The following SHISA6 variants were observed in gnomAD, a reference collection of about 807,000 sequenced individuals.
SHISA6 encodes shisa family member 6.
A neutral mutation model predicts 47.9 loss-of-function variants in SHISA6; 22 were observed. That is an observed-to-expected ratio of 0.46 (90% CI 0.33 to 0.66). The LOEUF is 0.66. SHISA6 is among the 30% of genes least tolerant of loss of function. The pLI is 0.02. For synonymous variants in SHISA6, 388 were observed against 337.8 expected (o/e 1.15, Z -1.63); for missense variants, 680 against 764.6 (o/e 0.89, Z 1.30).
At chr17:11,386,531 GAA>G (rs1913199654) in intron 3 of SHISA6, among the ~76,000 whole-genome samples, 1 of 152,218 alleles carries the variant, frequency 6.6e-6, no homozygotes, top group Admixed American at 6.5e-5. Context: ...GGAGGATGGT[GAA>G]AAGAGAGTTT....
At chr17:11,439,742 C>T (rs1209853289) in intron 3 of SHISA6, among the ~76,000 whole-genome samples, 2 of 152,216 alleles carry the variant, frequency 1.3e-5, no homozygotes, top group Non-Finnish European at 2.9e-5. Context: ...TCCCTTTCTT[C>T]TAAGTAATCA....
At position 11,558,037 on chromosome 17, in the gene SHISA6, G is replaced by A. The variant is rs1209859082; in HGVS notation, c.1389G>A (p.Arg463=). The A allele has an allele frequency of 6.4e-7, 1 of 1,551,556 alleles. No homozygotes were observed. Among genetic ancestry groups the A allele is most frequent in the African/African-American group, 1.4e-5 (1 of 73,072 alleles). ...AGGACCCGCTGCTGTCCCCGGAGCGGACGGCCTTTCCCGAGCAGTCGCTGT... is the reference window on the plus strand; with the variant it reads ...AGGACCCGCTGCTGTCCCCGGAGCGAACGGCCTTTCCCGAGCAGTCGCTGT... ...HSQDPLLSPE[R]TAFPEQSLSR... The change falls in exon 6 of 6, where the codon CGG becomes CGA. Residue 463 remains arginine (R), a synonymous_variant. Transcript: ENST00000441885.
chr17:11,286,057 C>T (rs746007854), intron 2 of SHISA6, among the ~76,000 whole-genome samples: 2 of 151,928 alleles, frequency 1.3e-5, no homozygotes, highest in Admixed American at 6.6e-5. Flanking sequence ...AGGATGGTCT[C>T]GAACTCCTGA....
In SHISA6 at chr17:11,383,133, T is replaced by C. The variant is rs185222193; in HGVS notation, c.895+3624T>C. On this transcript the variant is annotated intron_variant, in intron 3 of 5. Coordinates refer to ENST00000441885, the MANE Select transcript of SHISA6 (RefSeq NM_207386.4). ...TTGTATTTTTAGTAGAGACAGGGCT[T>C]CACCATGTTGGCCAGGCTGGTCTCA... is the stretch of plus-strand genomic sequence containing the variant. 6.5e-3 allele frequency among the ~76,000 whole-genome samples: 986 copies of C among 152,124 alleles called. 5 individuals are homozygous for C. Among genetic ancestry groups the C allele is most frequent in the Non-Finnish European group, 0.01 (712 of 67,988 alleles).
At chr17:11,301,549 G>A (rs956560957) in intron 2 of SHISA6, among the ~76,000 whole-genome samples, 2 of 152,138 alleles carry the variant, frequency 1.3e-5, no homozygotes, top group East Asian at 1.9e-4. Context: ...TGGTCACACC[G>A]TGCATGAATG....
intron 2 of SHISA6, among the ~76,000 whole-genome samples, chr17:11,342,768 T>A (rs183809624): frequency 3.2e-3 from 483 of 152,294 alleles, no homozygotes; most frequent in Non-Finnish European, 4.6e-3. Context: ...ACAGGCAAGG[T>A]CCTCATACTA....
At chr17:11,439,255 G>A (rs182663410) in intron 3 of SHISA6, among the ~76,000 whole-genome samples, 5 of 152,248 alleles carry the variant, frequency 3.3e-5, no homozygotes, top group African/African-American at 9.6e-5. Flanking sequence ...GCATAGATGC[G>A]GTCAAGGGGG....
intron 2 of SHISA6, among the ~76,000 whole-genome samples, chr17:11,292,694 G>A (rs1909595187): frequency 6.6e-6 from 1 of 151,902 alleles, no homozygotes; most frequent in South Asian, 2.1e-4. Context: ...GGCGGGCAGG[G>A]GGTGCAGAAA....
intron 2 of SHISA6, among the ~76,000 whole-genome samples, chr17:11,344,380 A>G (rs1911629657): frequency 6.6e-6 from 1 of 152,148 alleles, no homozygotes; most frequent in Admixed American, 6.5e-5. Flanking sequence ...TTGGTGTTGT[A>G]TCTAAGAAGT....
chr17:11,419,078 C>G (rs1597503709), intron 3 of SHISA6, among the ~76,000 whole-genome samples: 1 of 148,866 alleles, frequency 6.7e-6, no homozygotes, highest in African/African-American at 2.5e-5. Context: ...GTGGGGGGAG[C>G]GGGGAGGGAT....
At chr17:11,448,142 A>C (rs1567608417) in intron 3 of SHISA6, among the ~76,000 whole-genome samples, 1 of 152,222 alleles carries the variant, frequency 6.6e-6, no homozygotes, top group South Asian at 2.1e-4. Flanking sequence ...GGGAAGAGCT[A>C]ACATCTATGG....
At chr17:11,319,843 A>G (rs77655186) in intron 2 of SHISA6, among the ~76,000 whole-genome samples, 7,326 of 152,348 alleles carry the variant, frequency 0.048, 263 homozygotes, top group Non-Finnish European at 0.075. Flanking sequence ...CAGTTCGGTT[A>G]AGTAAGGCAG....
At chr17:11,325,159 A>G (rs1910835377) in intron 2 of SHISA6, among the ~76,000 whole-genome samples, 1 of 152,186 alleles carries the variant, frequency 6.6e-6, no homozygotes, top group South Asian at 2.1e-4. Context: ...GATGGAAATG[A>G]TAAACTTGGG....
At chr17:11,495,025 G>A (rs988604675) in intron 3 of SHISA6, among the ~76,000 whole-genome samples, 1 of 152,148 alleles carries the variant, frequency 6.6e-6, no homozygotes, top group South Asian at 2.1e-4. Flanking sequence ...CCAGTCATGT[G>A]GGGTTTCCTG....
intron 2 of SHISA6, among the ~76,000 whole-genome samples, chr17:11,279,797 CAA>C (rs1206186778): frequency 2.4e-5 from 3 of 124,100 alleles, no homozygotes. Context: ...TAGCAAAGAG[CAA>C]AAAGAGAGAG....
At chr17:11,444,191 C>T (rs564645541) in intron 3 of SHISA6, among the ~76,000 whole-genome samples, 25 of 152,216 alleles carry the variant, frequency 1.6e-4, no homozygotes, top group Non-Finnish European at 3.5e-4. Context: ...TGGTGGCACA[C>T]GCCTGTAGTC....
intron 2 of SHISA6, among the ~76,000 whole-genome samples, chr17:11,267,202 C>G (rs1344922054): frequency 6.6e-6 from 1 of 152,156 alleles, no homozygotes; most frequent in Non-Finnish European, 1.5e-5. Flanking sequence ...ATGTAGAAAA[C>G]CAGTGAACCC....
At chr17:11,486,009 G>A (rs1312345907) in intron 3 of SHISA6, among the ~76,000 whole-genome samples, 1 of 152,206 alleles carries the variant, frequency 6.6e-6, no homozygotes. Context: ...CAGGTTGGGA[G>A]ATAATGAGAT....
In SHISA6 at chr17:11,251,911, G is replaced by A. The variant is rs994431727; in HGVS notation, c.638+9851G>A. ...ACGCCTCAAGGTCCGGTTGTCACAGGGCGGTGAGCAGCAGCTGAACTCACA... is the reference window on the plus strand; with the variant it reads ...ACGCCTCAAGGTCCGGTTGTCACAGAGCGGTGAGCAGCAGCTGAACTCACA... On this transcript the variant is annotated intron_variant, in intron 1 of 5. Coordinates refer to ENST00000441885, the MANE Select transcript of SHISA6 (RefSeq NM_207386.4). Among the ~76,000 whole-genome samples the A allele has an allele frequency of 7.2e-5, 11 of 152,272 alleles. No individual in the cohort carries two copies. In the East Asian group the frequency reaches 1.9e-3, roughly 27 times the overall value.
Sources: gnomAD v4.1 joint callset for allele counts (sites outside exome capture counted in the v4.1 genomes callset) on GRCh38, gnomAD v4.1.1 for gene constraint, MANE v1.5 for transcripts, NCBI Gene and HGNC (gene_info 2026-07-23, HGNC 2026-07-21) for gene names.